SRD5A2: variants seen among roughly 807,000 people sequenced by gnomAD.
The protein encoded by SRD5A2 is steroid 5 alpha-reductase 2, also known as 3-oxo-5-alpha-steroid 4-dehydrogenase 2.
SRD5A2 carries 30 observed loss-of-function variants against 27.4 expected under a neutral mutation model. The ratio of observed to expected loss-of-function variants is 1.10; its 90% CI spans 0.82 to 1.49. SRD5A2 has a LOEUF of 1.49. SRD5A2 is among the 40% of genes most tolerant of loss of function. The pLI, the probability that SRD5A2 is intolerant of heterozygous loss-of-function variation, is 0.00. For synonymous variants in SRD5A2, 141 were observed against 133.6 expected, an observed-to-expected ratio of 1.06 and a Z score of -0.38; for missense variants, 348 against 323.4, an observed-to-expected ratio of 1.08 and a Z score of -0.58.
the SRD5A2 span, among the ~76,000 whole-genome samples, chr2:31,601,140 G>C: frequency 6.6e-6 from 1 of 151,730 alleles, no homozygotes; most frequent in Non-Finnish European, 1.5e-5. Flanking sequence ...CTAGAAGCTG[G>C]CTTTTTGAAA....
chr2:31,581,472 T>A (rs1001477560), upstream of SRD5A2, among the ~76,000 whole-genome samples: 1 of 152,288 alleles, frequency 6.6e-6, no homozygotes, highest in South Asian at 2.1e-4. Flanking sequence ...CCTTCTGCTC[T>A]GGGGCGCCGC....
chr2:31,594,488 C>T, the SRD5A2 span, among the ~76,000 whole-genome samples: 12,119 of 152,046 alleles, frequency 0.08, 640 homozygotes, highest in Middle Eastern at 0.18. Flanking sequence ...AAGATTACTC[C>T]AACAGGAAAA....
the SRD5A2 span, among the ~76,000 whole-genome samples, chr2:31,610,902 G>C: frequency 6.6e-6 from 1 of 152,108 alleles, no homozygotes; most frequent in Non-Finnish European, 1.5e-5. Flanking sequence ...GAGGTCAGGA[G>C]TTTGAGACCA....
chr2:31,568,985 G>A (rs902614280), intron 1 of SRD5A2, among the ~76,000 whole-genome samples: 1 of 152,234 alleles, frequency 6.6e-6, no homozygotes, highest in Non-Finnish European at 1.5e-5. Flanking sequence ...GCGGGAGCAG[G>A]TACTTCCAAG....
chr2:31,564,754 G>T (rs189362711), intron 1 of SRD5A2, among the ~76,000 whole-genome samples: 1 of 152,028 alleles, frequency 6.6e-6, no homozygotes, highest in Non-Finnish European at 1.5e-5. Context: ...TTAAAGTAAT[G>T]AAAGAAAGCA....
At chr2:31,531,923 C>T (rs1472297286) in intron 2 of SRD5A2, among the ~76,000 whole-genome samples, 2 of 152,184 alleles carry the variant, frequency 1.3e-5, no homozygotes, top group South Asian at 4.1e-4. Flanking sequence ...TGAGCTAGTT[C>T]CACCAATAAG....
the SRD5A2 span, among the ~76,000 whole-genome samples, chr2:31,652,313 T>A: frequency 6.6e-6 from 1 of 152,222 alleles, no homozygotes; most frequent in Non-Finnish European, 1.5e-5. Flanking sequence ...TGATGTGAAA[T>A]TCTATTGGGA....
chr2:31,566,540 T>C (rs531875798), intron 1 of SRD5A2, among the ~76,000 whole-genome samples: 1 of 152,292 alleles, frequency 6.6e-6, no homozygotes, highest in Non-Finnish European at 1.5e-5. Context: ...ATTCAAAATA[T>C]TAAAAGGATA....
At chr2:31,655,792 G>T in the SRD5A2 span, among the ~76,000 whole-genome samples, 1 of 152,150 alleles carries the variant, frequency 6.6e-6, no homozygotes, top group East Asian at 1.9e-4. Context: ...GCTCTTCTAC[G>T]TTTCCTCAGT....
chr2:31,547,547 C>G (rs1015068541), intron 1 of SRD5A2, among the ~76,000 whole-genome samples: 6 of 152,122 alleles, frequency 3.9e-5, no homozygotes, highest in African/African-American at 1.2e-4. Flanking sequence ...TTTCTTCTAC[C>G]CTTTTCAAGT....
chr2:31,631,473 G>A, the SRD5A2 span, among the ~76,000 whole-genome samples: 5 of 151,884 alleles, frequency 3.3e-5, no homozygotes, highest in African/African-American at 4.8e-5. Context: ...TTTTTTTTCA[G>A]ATGGGAAACG....
intron 1 of SRD5A2, among the ~76,000 whole-genome samples, chr2:31,538,798 A>G (rs1482716654): frequency 1.3e-5 from 2 of 152,220 alleles, no homozygotes; most frequent in Non-Finnish European, 2.9e-5. Flanking sequence ...TTTTTCCAGT[A>G]GCATTTTTTA....
At chr2:31,627,238 T>C in the SRD5A2 span, among the ~76,000 whole-genome samples, 2 of 152,174 alleles carry the variant, frequency 1.3e-5, no homozygotes, top group South Asian at 2.1e-4. Flanking sequence ...CTAGGTTTTC[T>C]AGCTTGTGTG....
At chr2:31,658,160 A>G in the SRD5A2 span, among the ~76,000 whole-genome samples, 9 of 152,148 alleles carry the variant, frequency 5.9e-5, no homozygotes, top group South Asian at 1.9e-3. Context: ...CAGAAATCAA[A>G]AAATTCTTTG....
chr2:31,582,721 C>T (rs12468405), upstream of SRD5A2, among the ~76,000 whole-genome samples: 2 of 152,172 alleles, frequency 1.3e-5, no homozygotes, highest in Non-Finnish European at 2.9e-5. Context: ...ACCAGCCCTA[C>T]CCAAAACTAA....
chr2:31,637,353 T>C, the SRD5A2 span, among the ~76,000 whole-genome samples: 2 of 152,060 alleles, frequency 1.3e-5, no homozygotes, highest in African/African-American at 4.8e-5. Flanking sequence ...TTCTGAGCAC[T>C]GGTCATGACC....
chr2:31,588,085 G>T, the SRD5A2 span, among the ~76,000 whole-genome samples: 3 of 151,850 alleles, frequency 2.0e-5, no homozygotes, highest in African/African-American at 7.3e-5. Flanking sequence ...AAAGAAAAAA[G>T]AATCAAAAAG....
the SRD5A2 span, among the ~76,000 whole-genome samples, chr2:31,618,292 T>C: frequency 3.9e-5 from 6 of 152,194 alleles, no homozygotes; most frequent in African/African-American, 1.2e-4. Flanking sequence ...TTAATACAAT[T>C]CAAGGTGAGA....
chr2:31,651,888 C>A, the SRD5A2 span: 1,866 of 152,564 alleles, frequency 0.012, 21 homozygotes, highest in South Asian at 0.044. Flanking sequence ...ATATGAGTCC[C>A]ATGCAGGCCT....
Sources: allele counts gnomAD v4.1 joint callset (sites outside exome capture counted in the v4.1 genomes callset), GRCh38; gene constraint gnomAD v4.1.1; transcripts MANE v1.5; gene names NCBI Gene and HGNC (gene_info 2026-07-23, HGNC 2026-07-21).